The following HNRNPM variants were observed in gnomAD, a reference collection of about 807,000 sequenced individuals.
HNRNPM encodes heterogeneous nuclear ribonucleoprotein M, also known as CEA receptor.
In HNRNPM, 11 loss-of-function variants were observed where a neutral mutation model predicts 73.1. The observed-to-expected ratio is 0.15, with a 90% CI of 0.09 to 0.25. HNRNPM has a LOEUF of 0.25. Ranked by LOEUF, HNRNPM falls within the 10% of genes least tolerant of loss-of-function variation. The pLI, the probability that HNRNPM is intolerant of heterozygous loss-of-function variation, is 1.00. For synonymous variants in HNRNPM, 407 were observed against 355.2 expected (o/e 1.15, Z -1.64); for missense variants, 789 against 1,067.9 (o/e 0.74, Z 3.64).
At chr19:8,445,849 T>C (rs1303337435) in intron 1 of HNRNPM, among the ~76,000 whole-genome samples, 2 of 152,232 alleles carry the variant, frequency 1.3e-5, no homozygotes, top group Non-Finnish European at 2.9e-5. Context: ...AGATACGAAG[T>C]CGGGGGAGGA....
At position 8,485,605 on chromosome 19, in the gene HNRNPM, G is replaced by A. The variant is rs1408104260; in HGVS notation, c.1177G>A (p.Gly393Arg). 1.3e-6 allele frequency: 2 copies of A among 1,597,668 alleles called. No individual in the cohort carries two copies. Among genetic ancestry groups the A allele is most frequent in the Non-Finnish European group, 1.7e-6 (2 of 1,173,918 alleles). Residue 393 changes from glycine to arginine, a missense_variant and splice_region_variant, in exon 14 of 16, where the codon GGA becomes AGA. This residue lies in a region of HNRNPM where 604 missense variants were observed against 744.0 expected (regional missense o/e 0.81). Transcript: ENST00000325495. Reference sequence around the variant, plus strand: ...TGTGTTTTGTGTCCCTGTTTCAGGTGGAGGTGGAGGAAGCGTCCCTGGGAT... The same window carrying A: ...TGTGTTTTGTGTCCCTGTTTCAGGTAGAGGTGGAGGAAGCGTCCCTGGGAT... Reference protein sequence around the residue: ...GEIIAKQGGGGGGGSVPGIER... With the variant: ...GEIIAKQGGGRGGGSVPGIER...
At chr19:8,458,550 G>C (rs918321389) in intron 2 of HNRNPM, among the ~76,000 whole-genome samples, 1 of 152,244 alleles carries the variant, frequency 6.6e-6, no homozygotes, top group Non-Finnish European at 1.5e-5. Flanking sequence ...AGGTGGGGCA[G>C]TGCCACCAGA....
At chr19:8,470,680 G>C (rs1970067397) in intron 9 of HNRNPM, among the ~76,000 whole-genome samples, 2 of 152,162 alleles carry the variant, frequency 1.3e-5, no homozygotes, top group South Asian at 4.1e-4. Context: ...TCAGATGGTG[G>C]TTACCCCAGA....
chr19:8,488,344 G>A (rs139781503), intron 15 of HNRNPM: 384 of 223,680 alleles, frequency 1.7e-3, no homozygotes, highest in East Asian at 9.8e-3. Context: ...ATTGGATTGC[G>A]GATGGCTTTG....
intron 12 of HNRNPM, among the ~76,000 whole-genome samples, chr19:8,479,078 CTTTTTT>C (rs74176651): frequency 0.011 from 778 of 73,824 alleles, 9 homozygotes; most frequent in African/African-American, 0.037. Flanking sequence ...TTCTTTCTTT[CTTTTTT>C]TTTTTTTTTT....
At chr19:8,463,374 GACTA>G (rs1179448239) in intron 3 of HNRNPM, 119 bp from the exon 4 acceptor site, 5 of 1,137,626 alleles carry the variant, frequency 4.4e-6, no homozygotes, top group Non-Finnish European at 6.6e-6. Flanking sequence ...CATTTTAAAA[GACTA>G]ACTTTGTGAC....
chr19:8,468,506 A>G (rs984700604), intron 8 of HNRNPM, among the ~76,000 whole-genome samples: 1 of 152,230 alleles, frequency 6.6e-6, no homozygotes, highest in African/African-American at 2.4e-5. Context: ...GTCAAAAGGC[A>G]TGAAAAGGTA....
rs773608128 is a variant in HNRNPM, at chr19:8,445,019, G to A, written c.21G>A (p.Ala7=). The change falls in exon 1 of 16, where the codon GCG becomes GCA. Residue 7 remains alanine (A), a synonymous_variant. Transcript: ENST00000325495. ...AGAAAATGGCGGCAGGGGTCGAAGCGGCGGCGGAGGTGGCGGCGACGGAGA... is the reference window on the plus strand; with the variant it reads ...AGAAAATGGCGGCAGGGGTCGAAGCAGCGGCGGAGGTGGCGGCGACGGAGA... MAAGVE[A]AAEVAATEIK... is the part of the protein sequence containing the mutation. 5 of 1,424,072 alleles carry A rather than the reference G, an allele frequency of 3.5e-6. No individual in the cohort carries two copies. Among genetic ancestry groups the A allele is most frequent in the African/African-American group, 3.0e-5 (2 of 66,762 alleles). 88.2% of individuals were successfully genotyped at this position (1,424,072 alleles called of 1,614,324 possible).
intron 5 of HNRNPM, 150 bp downstream of exon 5, chr19:8,463,836 C>A: frequency 1.7e-6 from 1 of 606,040 alleles, no homozygotes; most frequent in South Asian, 2.0e-5. Context: ...TCATAGCCTA[C>A]AGCAGCCATT....
intron 2 of HNRNPM, among the ~76,000 whole-genome samples, chr19:8,458,714 C>T (rs1969193160): frequency 6.6e-6 from 1 of 152,236 alleles, no homozygotes; most frequent in Non-Finnish European, 1.5e-5. Context: ...CTTAATCCTT[C>T]TGTTAGTATA....
intron 8 of HNRNPM, among the ~76,000 whole-genome samples, 156 bp downstream of exon 8, chr19:8,467,740 T>C (rs1969852479): frequency 1.3e-5 from 2 of 152,282 alleles, no homozygotes; most frequent in South Asian, 2.1e-4. Flanking sequence ...AAATAACATT[T>C]TGCTGGTCAG....
At position 8,445,040 on chromosome 19, in the gene HNRNPM, G is replaced by C; in HGVS notation, c.42G>C (p.Thr14=). 7.0e-7 allele frequency: 1 copy of C among 1,429,424 alleles called. No individual in the cohort carries two copies. The highest frequency in any genetic ancestry group is 9.1e-7 in the Non-Finnish European group (1 of 1,095,312). The allele number at this position is 1,429,424 out of a possible 1,614,324, so 88.5% of individuals were successfully genotyped here. A position where few individuals can be genotyped will look rare whatever the true frequency, so the allele number is the denominator to read the frequency against. ...AAGCGGCGGCGGAGGTGGCGGCGAC[G>C]GAGATCAAAATGGAGGAAGAGAGCG... ...GVEAAAEVAA[T]EIKMEEESGA... The change falls in exon 1 of 16, where the codon ACG becomes ACC. Residue 14 remains threonine (T), a synonymous_variant. Coordinates refer to ENST00000325495, the MANE Select transcript of HNRNPM (RefSeq NM_005968.5).
intron 13 of HNRNPM, among the ~76,000 whole-genome samples, chr19:8,483,615 T>C (rs951497279): frequency 3.3e-5 from 5 of 152,210 alleles, no homozygotes; most frequent in Non-Finnish European, 1.5e-5. Context: ...ACCCAACAAG[T>C]AATAAATGCT....
At chr19:8,445,320 G>A (rs1968062860) in intron 1 of HNRNPM, 1 of 416,542 alleles carries the variant, frequency 2.4e-6, no homozygotes, top group Non-Finnish European at 4.1e-6. Context: ...CGGGCCTCGA[G>A]CCTCGCCACC....
intron 5 of HNRNPM, among the ~76,000 whole-genome samples, 159 bp from the exon 6 acceptor site, chr19:8,465,165 C>G (rs628532): frequency 0.26 from 40,279 of 152,126 alleles, 6,466 homozygotes; most frequent in Non-Finnish European, 0.36. Flanking sequence ...CTCTTCTAAG[C>G]TGGTAGTTGA....
chr19:8,481,072 G>T (rs187596431), intron 12 of HNRNPM, among the ~76,000 whole-genome samples: 1 of 152,248 alleles, frequency 6.6e-6, no homozygotes, highest in African/African-American at 2.4e-5. Flanking sequence ...GTGAACCATT[G>T]TGGTGCTCCT....
At chr19:8,458,673 A>G (rs1969190564) in intron 2 of HNRNPM, among the ~76,000 whole-genome samples, 1 of 152,266 alleles carries the variant, frequency 6.6e-6, no homozygotes, top group African/African-American at 2.4e-5. Flanking sequence ...CAGTCAGTTC[A>G]ACTTGTGTAA....
chr19:8,458,208 A>G (rs966596566), intron 2 of HNRNPM, among the ~76,000 whole-genome samples: 25 of 152,220 alleles, frequency 1.6e-4, no homozygotes, highest in Non-Finnish European at 3.4e-4. Context: ...CCAGCTGCAT[A>G]TTCTCCAGCT....
At chr19:8,449,292 A>T (rs940961037) in intron 1 of HNRNPM, among the ~76,000 whole-genome samples, 1 of 151,794 alleles carries the variant, frequency 6.6e-6, no homozygotes, top group Non-Finnish European at 1.5e-5. Context: ...TTTTTTTGGG[A>T]GGGGGGGTTC....
Sources: allele counts gnomAD v4.1 joint callset (sites outside exome capture counted in the v4.1 genomes callset), GRCh38; gene constraint gnomAD v4.1.1; regional missense constraint gnomAD v4.1.1; transcripts MANE v1.5; gene names NCBI Gene and HGNC (gene_info 2026-07-23, HGNC 2026-07-21).